RABGAP1L: variants seen among roughly 807,000 people sequenced by gnomAD.
The protein encoded by RABGAP1L is RAB GTPase activating protein 1 like.
A neutral mutation model predicts 137.7 loss-of-function variants in RABGAP1L; 63 were observed. That is an observed-to-expected ratio of 0.46 (90% CI 0.37 to 0.56). The LOEUF is 0.56. RABGAP1L is among the 20% of genes least tolerant of loss of function. The pLI is 0.00. For missense variants in RABGAP1L, 1,095 were observed against 1,244.0 expected (o/e 0.88, Z 1.80); for synonymous variants, 431 against 433.7 (o/e 0.99, Z 0.08).
In RABGAP1L at chr1:174,739,548, C is replaced by T. The variant is rs956966993; in HGVS notation, c.2170-12765C>T. ...TGGAAGTTCTTAAAAATACAAGTGA[C>T]CACATTCTACTCCTGAGAAATTTCT... On this transcript the variant is annotated intron_variant, in intron 17 of 25. Coordinates refer to ENST00000681986, the MANE Select transcript of RABGAP1L (RefSeq NM_001366446.1). Among the ~76,000 whole-genome samples, 4 of 152,268 alleles carry T rather than the reference C, an allele frequency of 2.6e-5. No homozygotes were observed. In the East Asian group the frequency reaches 7.7e-4, roughly 29 times the overall value.
chr1:174,585,284 T>C (rs1007225706), intron 13 of RABGAP1L, among the ~76,000 whole-genome samples: 1 of 152,202 alleles, frequency 6.6e-6, no homozygotes, highest in Non-Finnish European at 1.5e-5. Flanking sequence ...TACCCAGCCA[T>C]GCTTTGGAAT....
intron 13 of RABGAP1L, among the ~76,000 whole-genome samples, chr1:174,611,173 G>A (rs1244259166): frequency 6.8e-6 from 1 of 147,520 alleles, no homozygotes; most frequent in East Asian, 2.0e-4. Context: ...TTCTTCTAGG[G>A]TTTTTATGGT....
chr1:174,185,677 TAATTA>T (rs1666743045), intron 1 of RABGAP1L, among the ~76,000 whole-genome samples: 1 of 152,174 alleles, frequency 6.6e-6, no homozygotes, highest in Non-Finnish European at 1.5e-5. Context: ...CCACATAACT[TAATTA>T]ACTGTCTCCT....
chr1:174,704,051 G>T (rs945007440), intron 17 of RABGAP1L, among the ~76,000 whole-genome samples: 1 of 152,122 alleles, frequency 6.6e-6, no homozygotes, highest in African/African-American at 2.4e-5. Context: ...AGGCTGGAGT[G>T]CAGTGGCATG....
intron 13 of RABGAP1L, among the ~76,000 whole-genome samples, chr1:174,409,782 C>T (rs571612013): frequency 2.6e-4 from 39 of 152,202 alleles, no homozygotes; most frequent in South Asian, 8.3e-4. Flanking sequence ...GGTCTCCTGC[C>T]GTACCCTCAG....
chr1:174,747,904 G>A (rs1684011581), intron 17 of RABGAP1L, among the ~76,000 whole-genome samples: 1 of 149,514 alleles, frequency 6.7e-6, no homozygotes, highest in South Asian at 2.1e-4. Context: ...CTTCATTTCT[G>A]TGAGATCTAA....
At chr1:174,264,038 G>C (rs1201376045) in intron 7 of RABGAP1L, among the ~76,000 whole-genome samples, 1 of 151,852 alleles carries the variant, frequency 6.6e-6, no homozygotes, top group East Asian at 1.9e-4. Context: ...ATCATTTGAA[G>C]GGAAGAGGGA....
Position 174,782,496 on chromosome 1 carries a change from G to A in RABGAP1L, c.2212-29336G>A, listed in dbSNP as rs561989496. 7.6e-4 allele frequency among the ~76,000 whole-genome samples: 115 copies of A among 152,272 alleles called. 1 individual carries two copies. The highest frequency in any genetic ancestry group is 2.5e-3 in the African/African-American group (102 of 41,570). ...GACGATGGGGTTTTCTAGATATACA[G>A]TCATGTCATCTGCAAACAGGGACCT... On this transcript the variant is annotated intron_variant, in intron 18 of 25. Transcript: ENST00000681986.
intron 19 of RABGAP1L, among the ~76,000 whole-genome samples, chr1:174,837,143 G>A (rs749741585): frequency 2.0e-5 from 3 of 151,576 alleles, no homozygotes; most frequent in Non-Finnish European, 4.4e-5. Flanking sequence ...GGAGGGAGAG[G>A]TTGCACTGAG....
intron 13 of RABGAP1L, among the ~76,000 whole-genome samples, chr1:174,492,723 C>T (rs1660378038): frequency 6.6e-6 from 1 of 152,046 alleles, no homozygotes; most frequent in African/African-American, 2.4e-5. Context: ...CCCTATTCCT[C>T]CTCTCTTACA....
At chr1:174,168,018 A>G (rs1389033393) in intron 1 of RABGAP1L, among the ~76,000 whole-genome samples, 3 of 152,148 alleles carry the variant, frequency 2.0e-5, no homozygotes, top group East Asian at 3.9e-4. Flanking sequence ...TAATCCCAGC[A>G]CTTTAGGAGG....
At chr1:174,526,004 T>A (rs1235834708) in intron 13 of RABGAP1L, among the ~76,000 whole-genome samples, 2 of 152,100 alleles carry the variant, frequency 1.3e-5, no homozygotes, top group African/African-American at 4.8e-5. Context: ...GATGTATTAT[T>A]TGATTTTCGT....
At chr1:174,301,638 C>T (rs1677718433) in intron 10 of RABGAP1L, among the ~76,000 whole-genome samples, 1 of 152,054 alleles carries the variant, frequency 6.6e-6, no homozygotes, top group African/African-American at 2.4e-5. Flanking sequence ...TGAAACAGAT[C>T]TCAGCAGAGA....
intron 11 of RABGAP1L, among the ~76,000 whole-genome samples, chr1:174,327,984 C>CATATATATATATATATATATATATATAT (rs1314813386): frequency 2.6e-5 from 1 of 37,876 alleles, no homozygotes; most frequent in African/African-American, 1.1e-4. Flanking sequence ...TATATACACA[C>CATATATATATATATATATATATATATAT]ACATATATAT....
At chr1:174,673,997 G>A (rs1223041182) in intron 14 of RABGAP1L, among the ~76,000 whole-genome samples, 2 of 151,556 alleles carry the variant, frequency 1.3e-5, no homozygotes, top group Non-Finnish European at 2.9e-5. Context: ...GACTTTTACT[G>A]CATATAAATT....
intron 18 of RABGAP1L, among the ~76,000 whole-genome samples, chr1:174,798,213 G>A (rs1224539373): frequency 2.0e-5 from 3 of 149,790 alleles, no homozygotes; most frequent in African/African-American, 5.0e-5. Flanking sequence ...TGGCTAACAC[G>A]GTGAAACCCC....
At chr1:174,661,680 G>T (rs1272645329) in intron 14 of RABGAP1L, among the ~76,000 whole-genome samples, 1 of 152,072 alleles carries the variant, frequency 6.6e-6, no homozygotes, top group African/African-American at 2.4e-5. Context: ...TTTTGGATAT[G>T]GCTGTGTGTG....
chr1:174,360,286 G>A (rs913325886), intron 11 of RABGAP1L, among the ~76,000 whole-genome samples: 3 of 151,966 alleles, frequency 2.0e-5, no homozygotes, highest in Admixed American at 2.0e-4. Flanking sequence ...ATACTTATAA[G>A]AGATTAGAAT....
chr1:174,623,115 A>C (rs183406407), intron 13 of RABGAP1L, among the ~76,000 whole-genome samples: 1 of 152,288 alleles, frequency 6.6e-6, no homozygotes, highest in African/African-American at 2.4e-5. Flanking sequence ...TTAGCTTTGG[A>C]GGTTCTACAT....
Sources: gnomAD v4.1 joint callset for allele counts (sites outside exome capture counted in the v4.1 genomes callset) on GRCh38, gnomAD v4.1.1 for gene constraint, MANE v1.5 for transcripts, NCBI Gene and HGNC (gene_info 2026-07-23, HGNC 2026-07-21) for gene names.